SLC7A9: variants seen among roughly 807,000 people sequenced by gnomAD.
SLC7A9 encodes B(0,+)-type amino acid transporter 1.
A neutral mutation model predicts 54.1 loss-of-function variants in SLC7A9; 38 were observed. The observed-to-expected ratio is 0.70, with a 90% CI of 0.54 to 0.92. The LOEUF is 0.92. Ranked by LOEUF, SLC7A9 falls within the 40% of genes least tolerant of loss-of-function variation. SLC7A9 has a pLI of 0.00. For missense variants in SLC7A9, 537 were observed against 636.1 expected, an observed-to-expected ratio of 0.84 and a Z score of 1.68; for synonymous variants, 264 against 258.9, an observed-to-expected ratio of 1.02 and a Z score of -0.19.
chr19:32,858,012 A>G (rs537196975), intron 9 of SLC7A9, among the ~76,000 whole-genome samples: 31 of 152,340 alleles, frequency 2.0e-4, no homozygotes, highest in Admixed American at 7.8e-4. Context: ...GCTAATTAGC[A>G]AATTAGTTTG....
intron 2 of SLC7A9, among the ~76,000 whole-genome samples, chr19:32,867,662 G>A (rs919980633): frequency 7.2e-5 from 11 of 151,966 alleles, no homozygotes; most frequent in Middle Eastern, 3.4e-3. Context: ...AATAATATGC[G>A]GGCCGGGCAA....
chr19:32,868,526 AT>A lies in SLC7A9; in HGVS notation c.8del (p.Asp3ValfsTer4), dbSNP rs752609186. The A allele has an allele frequency of 1.2e-6, 2 of 1,614,022 alleles. No homozygotes were observed. Among genetic ancestry groups the A allele is most frequent in the Non-Finnish European group, 8.5e-7 (1 of 1,179,910 alleles). MG[D>X]TGLRKRREDE... is the part of the protein sequence containing the mutation. ...CCTCTCTCCGCTTTCTCAGGCCAGT[AT>A]CCCCCATGTTTCCTCCTGCTGGTTC... is the stretch of plus-strand genomic sequence containing the variant. On this transcript the variant is annotated frameshift_variant, in exon 2 of 13. Coordinates refer to ENST00000023064, the MANE Select transcript of SLC7A9 (RefSeq NM_014270.5). LOFTEE classifies it high-confidence loss of function.
chr19:32,830,930 C>T (rs1967764895), intron 12 of SLC7A9, among the ~76,000 whole-genome samples: 1 of 152,148 alleles, frequency 6.6e-6, no homozygotes, highest in Non-Finnish European at 1.5e-5. Context: ...GACGACTGCA[C>T]TTTCCAGTTC....
At chr19:32,842,083 A>G (rs1160515788) in intron 11 of SLC7A9, 85 bp downstream of exon 11, 1 of 1,316,068 alleles carries the variant, frequency 7.6e-7, no homozygotes, top group African/African-American at 1.5e-5. Flanking sequence ...TGGAACTAGA[A>G]GGCATGCCCC....
At position 32,864,611 on chromosome 19, in the gene SLC7A9, G is replaced by C. The variant is rs370860490; in HGVS notation, c.235+18C>G. Reference sequence around the variant, plus strand: ...CTGCATGCTTCCGGGGCTGCAACAGGCTCCCAAGTCTCTTTACCCAGCGTC... The same window carrying C: ...CTGCATGCTTCCGGGGCTGCAACAGCCTCCCAAGTCTCTTTACCCAGCGTC... On this transcript the variant is annotated intron_variant, in intron 3 of 12. Coordinates refer to ENST00000023064, the MANE Select transcript of SLC7A9 (RefSeq NM_014270.5). 1 of 1,612,050 alleles carries C rather than the reference G, an allele frequency of 6.2e-7. No homozygotes were observed. Among genetic ancestry groups the C allele is most frequent in the South Asian group, 1.1e-5 (1 of 91,068 alleles).
chr19:32,843,071 C>A (rs948054542), intron 10 of SLC7A9, among the ~76,000 whole-genome samples: 2 of 151,938 alleles, frequency 1.3e-5, no homozygotes, highest in African/African-American at 2.4e-5. Flanking sequence ...GTGTAGACCA[C>A]CCCTGGGGCT....
chr19:32,867,635 C>T (rs1969009907), intron 2 of SLC7A9, among the ~76,000 whole-genome samples: 1 of 151,994 alleles, frequency 6.6e-6, no homozygotes, highest in South Asian at 2.1e-4. Flanking sequence ...CACAAAAGCA[C>T]CTATTTATGA....
At position 32,864,099 on chromosome 19, in the gene SLC7A9, T is replaced by TGGC; in HGVS notation, c.472_474dup (p.Ala158dup). 2 of 1,614,080 alleles carry TGGC rather than the reference T, an allele frequency of 1.2e-6. No individual in the cohort carries two copies. The highest frequency in any genetic ancestry group is 1.1e-5 in the South Asian group (1 of 91,072). On this transcript the variant is annotated inframe_insertion, in exon 4 of 13. Coordinates refer to ENST00000023064, the MANE Select transcript of SLC7A9 (RefSeq NM_014270.5). ...TGCCCTGGGCTCAGGTACTCACAGA[T>TGGC]GGCGGCGGCGGCCAGGCATTTCACA...
chr19:32,853,904 A>C (rs929812033), intron 9 of SLC7A9, among the ~76,000 whole-genome samples: 2 of 142,274 alleles, frequency 1.4e-5, no homozygotes, highest in Non-Finnish European at 3.0e-5. Context: ...GTGACAAAGC[A>C]AGATCCTGTC....
intron 12 of SLC7A9, chr19:32,832,899 A>G (rs1967847165): frequency 6.3e-6 from 3 of 476,624 alleles, no homozygotes. Flanking sequence ...ACAGAGCAAG[A>G]CTGTGTCTCC....
At chr19:32,832,242 T>C (rs1052831899) in intron 12 of SLC7A9, among the ~76,000 whole-genome samples, 10 of 150,400 alleles carry the variant, frequency 6.6e-5, no homozygotes, top group African/African-American at 2.0e-4. Flanking sequence ...TGAGCCGAGA[T>C]CGTGCCAGTG....
intron 9 of SLC7A9, among the ~76,000 whole-genome samples, chr19:32,846,715 G>C (rs971067712): frequency 2.0e-5 from 3 of 152,234 alleles, no homozygotes; most frequent in Non-Finnish European, 4.4e-5. Flanking sequence ...TGGGCAGACT[G>C]CCTCCTCAAA....
At chr19:32,832,534 G>C (rs570216461) in intron 12 of SLC7A9, among the ~76,000 whole-genome samples, 1 of 149,280 alleles carries the variant, frequency 6.7e-6, no homozygotes, top group African/African-American at 2.5e-5. Context: ...TGCACAGTGA[G>C]CTGAGACCGC....
At chr19:32,864,481 T>C in intron 3 of SLC7A9, 143 bp from the exon 4 acceptor site, 4 of 1,499,494 alleles carry the variant, frequency 2.7e-6, no homozygotes, top group Non-Finnish European at 2.7e-6. Flanking sequence ...AGCTCCAGCG[T>C]TGGACATTCA....
intron 9 of SLC7A9, among the ~76,000 whole-genome samples, chr19:32,855,670 C>G (rs1001572681): frequency 3.3e-5 from 5 of 151,984 alleles, no homozygotes; most frequent in African/African-American, 1.2e-4. Flanking sequence ...CCACTGCACT[C>G]CAGCCTGGGT....
At position 32,858,474 on chromosome 19, in the gene SLC7A9, C is replaced by T. The variant is rs771756029; in HGVS notation, c.943G>A (p.Gly315Ser). The T allele has an allele frequency of 8.7e-6, 14 of 1,613,420 alleles. No individual in the cohort carries two copies. In the African/African-American group the frequency reaches 1.2e-4, roughly 14 times the overall value. The change falls in exon 9 of 13, where the codon GGT (glycine) becomes AGT (serine). Residue 315 changes from glycine to serine, a missense_variant. Gly to Ser is a moderately conservative substitution (Grantham distance 56). Coordinates refer to ENST00000023064, the MANE Select transcript of SLC7A9 (RefSeq NM_014270.5). Reference sequence around the variant, plus strand: ...GTGAAGCAGGTCCCGTTAGCAGCACCGATGGTTGAAAATGCCACAAAAAGT... The same window carrying T: ...GTGAAGCAGGTCCCGTTAGCAGCACTGATGGTTGAAAATGCCACAAAAAGT... ...VPLFVAFSTI[G>S]AANGTCFTAG... is the part of the protein sequence containing the mutation.
At chr19:32,839,127 CAGTGCATAAT>C (rs745679926) in intron 11 of SLC7A9, among the ~76,000 whole-genome samples, 1 of 152,060 alleles carries the variant, frequency 6.6e-6, no homozygotes, top group Non-Finnish European at 1.5e-5. Flanking sequence ...ATGATATTGC[CAGTGCATAAT>C]AGTGGCATAC....
chr19:32,830,735 G>A, intron 12 of SLC7A9, 51 bp from the exon 13 acceptor site: 1 of 1,437,490 alleles, frequency 7.0e-7, no homozygotes, highest in Non-Finnish European at 9.8e-7. Context: ...AAATTCGAAA[G>A]TTTCACTGGA....
At chr19:32,852,044 A>T (rs527604297) in intron 9 of SLC7A9, among the ~76,000 whole-genome samples, 14 of 152,210 alleles carry the variant, frequency 9.2e-5, no homozygotes, top group African/African-American at 3.4e-4. Context: ...GCGGGGAGGG[A>T]TAGCATTAGG....
Sources: gnomAD v4.1 joint callset for allele counts (sites outside exome capture counted in the v4.1 genomes callset) on GRCh38, gnomAD v4.1.1 for gene constraint, MANE v1.5 for transcripts, NCBI Gene and HGNC (gene_info 2026-07-23, HGNC 2026-07-21) for gene names.